CDH18: variants seen among roughly 807,000 people sequenced by gnomAD.
The protein encoded by CDH18 is cadherin 18, also known as cadherin-18.
CDH18 carries 31 observed loss-of-function variants against 67.9 expected under a neutral mutation model. The ratio of observed to expected loss-of-function variants is 0.46; its 90% CI spans 0.34 to 0.62. CDH18 has a LOEUF of 0.62. Among genes scored for constraint, CDH18 ranks in the 20% least tolerant of loss-of-function variants. The pLI is 0.01. For missense variants in CDH18, 890 were observed against 975.5 expected, an observed-to-expected ratio of 0.91 and a Z score of 1.17; for synonymous variants, 362 against 347.2, an observed-to-expected ratio of 1.04 and a Z score of -0.48.
chr5:19,901,681 G>T (rs1789950718), intron 2 of CDH18, among the ~76,000 whole-genome samples: 1 of 151,880 alleles, frequency 6.6e-6, no homozygotes, highest in Non-Finnish European at 1.5e-5. Context: ...TTTCCTGATA[G>T]AATTTATAAT....
chr5:19,998,876 C>A (rs757591319), intron 2 of CDH18, among the ~76,000 whole-genome samples: 1 of 151,620 alleles, frequency 6.6e-6, no homozygotes, highest in Non-Finnish European at 1.5e-5. Context: ...CTGGAATTGG[C>A]AGTCAAGAAA....
At chr5:20,512,640 T>G (rs1253677058) in intron 1 of CDH18, among the ~76,000 whole-genome samples, 1 of 151,982 alleles carries the variant, frequency 6.6e-6, no homozygotes, top group Non-Finnish European at 1.5e-5. Flanking sequence ...TCCCAACACT[T>G]TGGGAGGCTG....
At chr5:20,232,320 C>T (rs778818668) in intron 2 of CDH18, among the ~76,000 whole-genome samples, 9 of 151,978 alleles carry the variant, frequency 5.9e-5, no homozygotes, top group Non-Finnish European at 1.2e-4. Context: ...AATCCTCAGG[C>T]AATGGGTTCT....
intron 5 of CDH18, among the ~76,000 whole-genome samples, chr5:19,690,353 G>T (rs1468612656): frequency 6.6e-6 from 1 of 151,310 alleles, no homozygotes; most frequent in Admixed American, 6.6e-5. Context: ...TCAAAAAATA[G>T]AAAGATTTTA....
intron 9 of CDH18, among the ~76,000 whole-genome samples, chr5:19,527,020 C>T (rs1231141416): frequency 6.6e-6 from 1 of 151,752 alleles, no homozygotes; most frequent in Non-Finnish European, 1.5e-5. Context: ...AAAAGATTTC[C>T]TTATAGGAAA....
intron 1 of CDH18, among the ~76,000 whole-genome samples, chr5:20,571,864 A>C (rs931503173): frequency 6.6e-5 from 10 of 152,014 alleles, no homozygotes; most frequent in African/African-American, 1.7e-4. Context: ...ATGAGCTAGC[A>C]CCATTTGAAA....
At chr5:20,133,640 G>C (rs995603591) in intron 2 of CDH18, among the ~76,000 whole-genome samples, 6 of 151,810 alleles carry the variant, frequency 4.0e-5, no homozygotes, top group African/African-American at 1.5e-4. Context: ...CTGATGTTAG[G>C]TTTGCTGCAA....
At position 19,599,327 on chromosome 5, in the gene CDH18, T is replaced by C. The variant is rs948873853; in HGVS notation, c.812-8083A>G. 1.3e-4 allele frequency among the ~76,000 whole-genome samples: 20 copies of C among 152,280 alleles called. 1 individual carries two copies. The highest frequency in any genetic ancestry group is 1.2e-3 in the Admixed American group (18 of 15,294). ...TATCTGTTATATAATGGATTATGTG[T>C]CTTTTTATAAAAATTCAAGTCATTT... On this transcript the variant is annotated intron_variant, in intron 6 of 12. Transcript: ENST00000382275.
chr5:20,110,396 ATG>A (rs1051642725), intron 2 of CDH18, among the ~76,000 whole-genome samples: 1 of 152,146 alleles, frequency 6.6e-6, no homozygotes, highest in Non-Finnish European at 1.5e-5. Context: ...AAAATACCAA[ATG>A]TGTGTCGAGC....
intron 1 of CDH18, among the ~76,000 whole-genome samples, chr5:20,418,876 G>A (rs1290343509): frequency 6.6e-6 from 1 of 151,968 alleles, no homozygotes; most frequent in Non-Finnish European, 1.5e-5. Flanking sequence ...TGATCCTGAG[G>A]GTTGAGCCCT....
intron 1 of CDH18, among the ~76,000 whole-genome samples, chr5:20,509,220 C>T (rs2086632439): frequency 1.3e-5 from 2 of 152,084 alleles, no homozygotes; most frequent in South Asian, 4.1e-4. Context: ...ATTTTGTATC[C>T]TTTGTCCAAC....
intron 9 of CDH18, among the ~76,000 whole-genome samples, chr5:19,531,701 G>A (rs140935746): frequency 0.01 from 1,531 of 152,192 alleles, 18 homozygotes; most frequent in Middle Eastern, 0.014. Context: ...GGAGGCTGGC[G>A]TGGGTGGATC....
At chr5:19,627,524 C>T (rs1751728529) in intron 5 of CDH18, among the ~76,000 whole-genome samples, 1 of 152,052 alleles carries the variant, frequency 6.6e-6, no homozygotes, top group South Asian at 2.1e-4. Context: ...TGCAAGAGTT[C>T]AGTAAAAATC....
chr5:19,530,071 C>T (rs765874962), intron 9 of CDH18, among the ~76,000 whole-genome samples: 6 of 151,956 alleles, frequency 3.9e-5, no homozygotes, highest in Admixed American at 6.6e-5. Context: ...ATCATAGCAC[C>T]GTAGTATTAG....
At chr5:19,916,453 G>T (rs1390221673) in intron 2 of CDH18, among the ~76,000 whole-genome samples, 1 of 152,098 alleles carries the variant, frequency 6.6e-6, no homozygotes, top group Non-Finnish European at 1.5e-5. Flanking sequence ...ACAGCCTGTG[G>T]ATCCACAGTC....
chr5:19,939,613 GAATT>G (rs1794624521), intron 2 of CDH18, among the ~76,000 whole-genome samples: 2 of 151,644 alleles, frequency 1.3e-5, no homozygotes. Context: ...CACTAATCAT[GAATT>G]AAAGCATACT....
At chr5:19,760,856 C>T (rs1336230426) in intron 3 of CDH18, among the ~76,000 whole-genome samples, 1 of 152,220 alleles carries the variant, frequency 6.6e-6, no homozygotes, top group African/African-American at 2.4e-5. Context: ...TCACTGTTGC[C>T]GTTGCCTCAG....
intron 2 of CDH18, among the ~76,000 whole-genome samples, chr5:19,917,662 G>T (rs1791978547): frequency 6.6e-6 from 1 of 152,138 alleles, no homozygotes; most frequent in Non-Finnish European, 1.5e-5. Flanking sequence ...GCTAATGGAT[G>T]CAGATGCACA....
At chr5:20,462,570 A>G (rs992345439) in intron 1 of CDH18, among the ~76,000 whole-genome samples, 2 of 152,238 alleles carry the variant, frequency 1.3e-5, no homozygotes, top group Non-Finnish European at 2.9e-5. Flanking sequence ...CTTGATAATT[A>G]TGTATTCTAT....
Sources: allele counts gnomAD v4.1 joint callset (sites outside exome capture counted in the v4.1 genomes callset), GRCh38; gene constraint gnomAD v4.1.1; transcripts MANE v1.5; gene names NCBI Gene and HGNC (gene_info 2026-07-23, HGNC 2026-07-21).